The following TMEM232 variants were observed in gnomAD, a reference collection of about 807,000 sequenced individuals.
TMEM232 encodes transmembrane protein 232.
Under a neutral mutation model 78.8 loss-of-function variants are expected in TMEM232, and 80 were observed. The observed-to-expected ratio is 1.01, with a 90% CI of 0.85 to 1.22. TMEM232 has a LOEUF of 1.22. Among genes scored for constraint, TMEM232 ranks in the 50% most tolerant of loss-of-function variants. The pLI is 0.00. For missense variants in TMEM232, 881 were observed against 742.2 expected, an observed-to-expected ratio of 1.19 and a Z score of -2.17; for synonymous variants, 297 against 254.3, an observed-to-expected ratio of 1.17 and a Z score of -1.60.
At chr5:110,416,926 C>A (rs1280448264), downstream of TMEM232, among the ~76,000 whole-genome samples, 5 of 152,052 alleles carry the variant, frequency 3.3e-5, no homozygotes, top group African/African-American at 1.2e-4. Flanking sequence ...TTTTTCAAAA[C>A]AAAATTCTAT....
intron 2 of TMEM232, among the ~76,000 whole-genome samples, chr5:110,412,324 A>G (rs1258393250): frequency 1.3e-5 from 2 of 152,194 alleles, no homozygotes; most frequent in African/African-American, 4.8e-5. Context: ...TCATAAAGGA[A>G]AGTTATTGCC....
intron 11 of TMEM232, among the ~76,000 whole-genome samples, chr5:110,563,919 A>G (rs1776039548): frequency 6.6e-6 from 1 of 151,988 alleles, no homozygotes; most frequent in Non-Finnish European, 1.5e-5. Context: ...GGAGAAAATG[A>G]TGAACTTCTT....
chr5:110,645,858 A>G (rs1239955372), intron 2 of TMEM232, among the ~76,000 whole-genome samples: 3 of 151,884 alleles, frequency 2.0e-5, no homozygotes, highest in South Asian at 4.1e-4. Context: ...AATGAATTCA[A>G]TAAAGTTACA....
chr5:110,727,933 G>A (rs1798316269), upstream of TMEM232, among the ~76,000 whole-genome samples: 1 of 152,094 alleles, frequency 6.6e-6, no homozygotes, highest in African/African-American at 2.4e-5. Flanking sequence ...AAATAAAAAT[G>A]AAAAGACTGT....
At chr5:110,627,756 A>G (rs1375944620) in intron 6 of TMEM232, 25 bp downstream of exon 6, 3 of 1,344,416 alleles carry the variant, frequency 2.2e-6, no homozygotes, top group East Asian at 2.6e-5. Context: ...AACATTTATA[A>G]GTGTAAAAAT....
chr5:110,732,295 T>C (rs1416805018), intron 2 of TMEM232, among the ~76,000 whole-genome samples: 1 of 152,208 alleles, frequency 6.6e-6, no homozygotes, highest in African/African-American at 2.4e-5. Context: ...CTATTCCAAC[T>C]TCTGCCTATT....
At chr5:110,716,815 T>A (rs1373725407) in intron 1 of TMEM232, among the ~76,000 whole-genome samples, 1 of 152,154 alleles carries the variant, frequency 6.6e-6, no homozygotes, top group Non-Finnish European at 1.5e-5. Context: ...GTGCTGTGTT[T>A]TAGAAGAACA....
chr5:110,623,496 C>T (rs1047073251), intron 7 of TMEM232, among the ~76,000 whole-genome samples: 2 of 152,074 alleles, frequency 1.3e-5, no homozygotes, highest in Non-Finnish European at 2.9e-5. Flanking sequence ...GAGATTGATG[C>T]AAATGTATCT....
intron 3 of TMEM232, among the ~76,000 whole-genome samples, chr5:110,391,180 G>A (rs1045063097): frequency 8.5e-5 from 13 of 152,166 alleles, no homozygotes; most frequent in Admixed American, 6.6e-4. Context: ...TATGTCCTGA[G>A]GCTAATAAGC....
intron 12 of TMEM232, among the ~76,000 whole-genome samples, chr5:110,477,061 C>G (rs1763331883): frequency 6.6e-6 from 1 of 151,876 alleles, no homozygotes; most frequent in South Asian, 2.1e-4. Flanking sequence ...AATATTTAGA[C>G]AAGGTTTTTC....
chr5:110,723,405 T>C (rs1797841269), intron 1 of TMEM232, among the ~76,000 whole-genome samples: 1 of 152,286 alleles, frequency 6.6e-6, no homozygotes, highest in East Asian at 1.9e-4. Flanking sequence ...ATCAATGTAA[T>C]AGAGTTCAAA....
intron 12 of TMEM232, among the ~76,000 whole-genome samples, chr5:110,491,220 ACATT>A (rs1765056244): frequency 6.6e-6 from 1 of 152,024 alleles, no homozygotes; most frequent in African/African-American, 2.4e-5. Flanking sequence ...ACATAAAAAG[ACATT>A]CAACATCATT....
At chr5:110,629,669 A>T (rs997596539) in intron 5 of TMEM232, among the ~76,000 whole-genome samples, 15 of 151,708 alleles carry the variant, frequency 9.9e-5, no homozygotes, top group African/African-American at 3.4e-4. Context: ...TTTTTCTGAT[A>T]CTTTTATCTG....
intron 2 of TMEM232, among the ~76,000 whole-genome samples, chr5:110,647,648 T>C (rs1787685315): frequency 6.6e-6 from 1 of 151,974 alleles, no homozygotes; most frequent in African/African-American, 2.4e-5. Flanking sequence ...TTCCAGATTA[T>C]AGCAGTCAGC....
At chr5:110,401,565 A>G (rs1755598707) in intron 2 of TMEM232, among the ~76,000 whole-genome samples, 1 of 152,156 alleles carries the variant, frequency 6.6e-6, no homozygotes, top group African/African-American at 2.4e-5. Context: ...ATGCTGTGGT[A>G]GCTTGTTCTG....
intron 2 of TMEM232, among the ~76,000 whole-genome samples, chr5:110,651,727 CA>C (rs1181046672): frequency 6.6e-6 from 1 of 151,872 alleles, no homozygotes; most frequent in Non-Finnish European, 1.5e-5. Context: ...GAATGTGTGG[CA>C]AAATGACAGG....
At position 110,640,968 on chromosome 5, in the gene TMEM232, G is replaced by T; in HGVS notation, c.266C>A (p.Ser89Tyr). The change falls in exon 4 of 14, where the codon TCT becomes TAT. Residue 89 changes from serine to tyrosine, a missense_variant. By Grantham distance (144) the Ser-to-Tyr change is moderately radical (BLOSUM62 -2). Transcript: ENST00000455884. ...AGCAGGAAGATGCACATGCCTTCCAGAGCCCAGGGTTTTGAGACCCAATTT... is the reference window on the plus strand; with the variant it reads ...AGCAGGAAGATGCACATGCCTTCCATAGCCCAGGGTTTTGAGACCCAATTT... Reference protein sequence around the residue: ...KRKLGLKTLGSGRHVHLPAAW... With the variant: ...KRKLGLKTLGYGRHVHLPAAW... The T allele has an allele frequency of 6.5e-7, 1 of 1,537,046 alleles. No homozygotes were observed. Among genetic ancestry groups the T allele is most frequent in the Non-Finnish European group, 8.8e-7 (1 of 1,139,964 alleles).
intron 12 of TMEM232, among the ~76,000 whole-genome samples, chr5:110,444,205 C>A (rs1009714287): frequency 2.0e-5 from 3 of 152,110 alleles, no homozygotes; most frequent in Admixed American, 2.0e-4. Flanking sequence ...AAGTTTACCT[C>A]GGACCCTAGA....
At chr5:110,719,781 GCT>G (rs1448228566) in intron 1 of TMEM232, among the ~76,000 whole-genome samples, 1 of 152,048 alleles carries the variant, frequency 6.6e-6, no homozygotes, top group Non-Finnish European at 1.5e-5. Flanking sequence ...ATTTGGCAAG[GCT>G]CTCTTTGTCT....
Sources: gnomAD v4.1 joint callset for allele counts (sites outside exome capture counted in the v4.1 genomes callset) on GRCh38, gnomAD v4.1.1 for gene constraint, MANE v1.5 for transcripts, NCBI Gene and HGNC (gene_info 2026-07-23, HGNC 2026-07-21) for gene names.